Variants in ARK2N observed in about 807,000 individuals in gnomAD.
ARK2N encodes the protein protein ARK2N.
At chr18:46,176,039 G>C in the ARK2N span, among the ~76,000 whole-genome samples, 1 of 152,106 alleles carries the variant, frequency 6.6e-6, no homozygotes, top group South Asian at 2.1e-4. Flanking sequence ...TTCAGCTTTA[G>C]GTTCTAATTT....
At chr18:46,255,445 C>CTTTTCT in the ARK2N span, among the ~76,000 whole-genome samples, 2 of 77,728 alleles carry the variant, frequency 2.6e-5, no homozygotes, top group African/African-American at 1.2e-4. Context: ...CTTTTCTTTT[C>CTTTTCT]TTTTTTTTTT....
the ARK2N span, among the ~76,000 whole-genome samples, chr18:46,206,164 C>T: frequency 6.6e-6 from 1 of 151,920 alleles, no homozygotes; most frequent in Non-Finnish European, 1.5e-5. Context: ...TGGCTCACTG[C>T]AGCCTCAACC....
the ARK2N span, among the ~76,000 whole-genome samples, chr18:46,212,013 C>A: frequency 9.1e-3 from 1,381 of 152,242 alleles, 20 homozygotes; most frequent in African/African-American, 0.031. Context: ...TGTATGACAT[C>A]ATTTCCCCCT....
the ARK2N span, among the ~76,000 whole-genome samples, chr18:46,233,190 C>G: frequency 4.6e-5 from 7 of 151,890 alleles, no homozygotes; most frequent in Non-Finnish European, 5.9e-5. Context: ...ACTAAACTGT[C>G]CTATTAAAAA....
chr18:46,213,449 G>A, the ARK2N span, among the ~76,000 whole-genome samples: 1 of 151,938 alleles, frequency 6.6e-6, no homozygotes, highest in African/African-American at 2.4e-5. Flanking sequence ...CTCATACCTG[G>A]GGGTATTTTG....
the ARK2N span, chr18:46,240,217 G>A: frequency 1.4e-5 from 22 of 1,610,760 alleles, no homozygotes; most frequent in Admixed American, 1.5e-4. Context: ...CTTCTCTAAC[G>A]GTGTAATATG....
the ARK2N span, among the ~76,000 whole-genome samples, chr18:46,205,147 A>G: frequency 7.2e-5 from 11 of 152,020 alleles, no homozygotes; most frequent in Non-Finnish European, 1.5e-4. Context: ...AGCTCAGGCA[A>G]TCTGCCCGCC....
chr18:46,187,612 G>A, the ARK2N span, among the ~76,000 whole-genome samples: 1 of 152,130 alleles, frequency 6.6e-6, no homozygotes, highest in African/African-American at 2.4e-5. Context: ...AAAGTGCTGG[G>A]ATTATAGGCG....
chr18:46,233,410 G>A, the ARK2N span, among the ~76,000 whole-genome samples: 1 of 152,092 alleles, frequency 6.6e-6, no homozygotes, highest in African/African-American at 2.4e-5. Context: ...AGTAGGTCAT[G>A]GATTTGTCCC....
At chr18:46,216,817 G>A in the ARK2N span, 1 of 497,234 alleles carries the variant, frequency 2.0e-6, no homozygotes, top group South Asian at 2.7e-5. This position sits in a 1 kb window ranked among gnomAD's most constrained non-coding sequence, Gnocchi z 4.3. Flanking sequence ...AAGGGTTAAT[G>A]ATAGGGACAA....
the ARK2N span, among the ~76,000 whole-genome samples, chr18:46,244,414 G>A: frequency 6.6e-6 from 1 of 151,918 alleles, no homozygotes; most frequent in Non-Finnish European, 1.5e-5. Flanking sequence ...CAATAGGGAT[G>A]GTAATCTTGA....
chr18:46,251,078 T>C, the ARK2N span, among the ~76,000 whole-genome samples: 1 of 152,286 alleles, frequency 6.6e-6, no homozygotes, highest in African/African-American at 2.4e-5. Context: ...CTTAGCACAG[T>C]GCATAGCATG....
the ARK2N span, among the ~76,000 whole-genome samples, chr18:46,192,206 A>G: frequency 1.3e-5 from 2 of 152,140 alleles, no homozygotes; most frequent in East Asian, 3.9e-4. Flanking sequence ...TGACTTTACC[A>G]ATTTATTGAT....
chr18:46,266,204 C>T, the ARK2N span: 1 of 152,306 alleles, frequency 6.6e-6, no homozygotes, highest in Non-Finnish European at 1.5e-5. Flanking sequence ...TTACTTTTAG[C>T]AGATTAGCAC....
the ARK2N span, among the ~76,000 whole-genome samples, chr18:46,178,780 G>A: frequency 6.6e-6 from 1 of 151,938 alleles, no homozygotes; most frequent in African/African-American, 2.4e-5. Flanking sequence ...TGGGTGTGGT[G>A]GCACACGCCT....
the ARK2N span, among the ~76,000 whole-genome samples, chr18:46,205,710 GTTGTT>G: frequency 1.3e-5 from 2 of 151,994 alleles, no homozygotes; most frequent in Admixed American, 1.3e-4. Context: ...AGACCTGTGG[GTTGTT>G]TTGTTTTGTT....
the ARK2N span, among the ~76,000 whole-genome samples, chr18:46,225,561 C>T: frequency 1.3e-5 from 2 of 152,110 alleles, no homozygotes; most frequent in Non-Finnish European, 2.9e-5. Context: ...TGGGTTCAAG[C>T]GATTCTCCTG....
At chr18:46,201,430 G>A in the ARK2N span, among the ~76,000 whole-genome samples, 1 of 151,930 alleles carries the variant, frequency 6.6e-6, no homozygotes, top group Non-Finnish European at 1.5e-5. Context: ...TGTCCATTTT[G>A]GACTTTTTTT....
the ARK2N span, among the ~76,000 whole-genome samples, chr18:46,230,518 G>C: frequency 6.6e-6 from 1 of 152,180 alleles, no homozygotes; most frequent in East Asian, 1.9e-4. Flanking sequence ...ATGCTGGAAA[G>C]AAATCTCTTT....
Sources: allele counts gnomAD v4.1 joint callset (sites outside exome capture counted in the v4.1 genomes callset), GRCh38; gene constraint gnomAD v4.1.1; non-coding constraint Gnocchi (gnomAD v3.1); transcripts MANE v1.5; gene names NCBI Gene and HGNC (gene_info 2026-07-23, HGNC 2026-07-21).